Variants in RPS6KC1 observed in about 807,000 individuals in gnomAD.
RPS6KC1 encodes inactive ribosomal protein S6 kinase delta-1.
Under a neutral mutation model 103.8 loss-of-function variants are expected in RPS6KC1, and 54 were observed. The ratio of observed to expected loss-of-function variants is 0.52; its 90% confidence interval spans 0.42 to 0.65. The LOEUF is 0.65. Among genes scored for constraint, RPS6KC1 ranks in the 30% least tolerant of loss-of-function variants. The pLI is 0.00. For missense variants in RPS6KC1, 1,151 were observed against 1,253.8 expected (o/e 0.92, Z 1.24); for synonymous variants, 439 against 438.7 (o/e 1.00, Z -0.01).
the RPS6KC1 span, among the ~76,000 whole-genome samples, chr1:213,533,870 C>CA: frequency 6.6e-6 from 1 of 152,178 alleles, no homozygotes; most frequent in South Asian, 2.1e-4. Context: ...CCATTTGTCC[C>CA]AGGGGAAGCT....
At chr1:213,734,819 C>A in the RPS6KC1 span, among the ~76,000 whole-genome samples, 1 of 152,232 alleles carries the variant, frequency 6.6e-6, no homozygotes, top group East Asian at 1.9e-4. Context: ...TGGGCATTGG[C>A]GGCACAAGGT....
At chr1:213,320,714 G>T in the RPS6KC1 span, among the ~76,000 whole-genome samples, 1 of 152,200 alleles carries the variant, frequency 6.6e-6, no homozygotes, top group Non-Finnish European at 1.5e-5. Context: ...GCTTTAGAAT[G>T]CATTTTCCAG....
At chr1:213,664,089 C>T in the RPS6KC1 span, among the ~76,000 whole-genome samples, 4 of 151,558 alleles carry the variant, frequency 2.6e-5, no homozygotes, top group Admixed American at 2.6e-4. Flanking sequence ...CCTTCTCTGG[C>T]CTGCACCCAG....
the RPS6KC1 span, among the ~76,000 whole-genome samples, chr1:213,428,524 CTCTCTCTCTCTCTCT>C: frequency 2.3e-5 from 1 of 43,182 alleles, no homozygotes; most frequent in Non-Finnish European, 4.6e-5. Context: ...CTTCCTCTTT[CTCTCTCTCTCTCTCT>C]CTTTCTTTCT....
At chr1:213,127,980 A>G (rs950508897) in intron 5 of RPS6KC1, among the ~76,000 whole-genome samples, 1 of 152,228 alleles carries the variant, frequency 6.6e-6, no homozygotes, top group African/African-American at 2.4e-5. Flanking sequence ...CAGAAATTTC[A>G]TTCATAGGAT....
chr1:213,319,030 G>A, the RPS6KC1 span, among the ~76,000 whole-genome samples: 22 of 152,326 alleles, frequency 1.4e-4, no homozygotes, highest in African/African-American at 4.8e-4. Flanking sequence ...AGGTAGCTGG[G>A]TGCGGTGGCT....
the RPS6KC1 span, among the ~76,000 whole-genome samples, chr1:213,339,681 G>A: frequency 6.6e-6 from 1 of 152,186 alleles, no homozygotes; most frequent in Non-Finnish European, 1.5e-5. Flanking sequence ...ACAAGCAATC[G>A]TTATCGTGCC....
At chr1:213,682,386 C>T in the RPS6KC1 span, among the ~76,000 whole-genome samples, 21 of 152,334 alleles carry the variant, frequency 1.4e-4, no homozygotes, top group East Asian at 3.5e-3. Context: ...AGAATGCATA[C>T]GTGTCACGTC....
chr1:213,233,192 A>C (rs2094144382), intron 10 of RPS6KC1, among the ~76,000 whole-genome samples: 2 of 152,196 alleles, frequency 1.3e-5, no homozygotes, highest in African/African-American at 4.8e-5. Context: ...AGTACAGCAC[A>C]AGATAACTAC....
the RPS6KC1 span, among the ~76,000 whole-genome samples, chr1:213,736,510 A>G: frequency 6.6e-6 from 1 of 152,188 alleles, no homozygotes; most frequent in Non-Finnish European, 1.5e-5. Flanking sequence ...GTCTACTAAC[A>G]TAGAGTCTTC....
chr1:213,820,922 CA>C, the RPS6KC1 span: 1 of 152,266 alleles, frequency 6.6e-6, no homozygotes, highest in Non-Finnish European at 1.5e-5. Flanking sequence ...TCTCATCCCC[CA>C]AAAACACCCG....
chr1:213,641,099 G>A, the RPS6KC1 span, among the ~76,000 whole-genome samples: 1 of 145,770 alleles, frequency 6.9e-6, no homozygotes, highest in African/African-American at 2.7e-5. Flanking sequence ...TTACTTTTCA[G>A]ATTTTTTTTT....
chr1:213,337,528 G>A, the RPS6KC1 span, among the ~76,000 whole-genome samples: 2 of 152,134 alleles, frequency 1.3e-5, no homozygotes, highest in African/African-American at 4.8e-5. Flanking sequence ...CAGGAGGTAC[G>A]GGCAGCAGAT....
At chr1:213,761,793 G>A in the RPS6KC1 span, among the ~76,000 whole-genome samples, 33 of 152,340 alleles carry the variant, frequency 2.2e-4, no homozygotes, top group African/African-American at 7.7e-4. Context: ...AGTCTCTCCA[G>A]ACCCCTGGGG....
chr1:213,363,822 T>TCTC, the RPS6KC1 span, among the ~76,000 whole-genome samples: 1,144 of 90,688 alleles, frequency 0.013, 146 homozygotes, highest in African/African-American at 0.05. Context: ...TTCTTCTCTC[T>TCTC]TTTTTTTTTT....
the RPS6KC1 span, chr1:213,832,526 G>A: frequency 2.6e-5 from 4 of 152,194 alleles, no homozygotes; most frequent in African/African-American, 9.7e-5. Flanking sequence ...ACCTACCTGA[G>A]TCATGTTGTC....
the RPS6KC1 span, among the ~76,000 whole-genome samples, chr1:213,299,966 G>A: frequency 1.3e-4 from 20 of 152,072 alleles, no homozygotes; most frequent in Middle Eastern, 3.4e-3. Flanking sequence ...CACCACGCCC[G>A]GCTAATTTTT....
At chr1:213,328,232 G>C in the RPS6KC1 span, among the ~76,000 whole-genome samples, 1 of 151,866 alleles carries the variant, frequency 6.6e-6, no homozygotes, top group Non-Finnish European at 1.5e-5. Context: ...ACCTAATGCT[G>C]CCTAAGGTCC....
chr1:213,520,515 C>G, the RPS6KC1 span, among the ~76,000 whole-genome samples: 4 of 152,062 alleles, frequency 2.6e-5, no homozygotes, highest in Admixed American at 2.6e-4. Context: ...ACTCAGTGAC[C>G]CTTGGAGGGA....
Sources: gnomAD v4.1 joint callset for allele counts (sites outside exome capture counted in the v4.1 genomes callset) on GRCh38, gnomAD v4.1.1 for gene constraint, MANE v1.5 for transcripts, NCBI Gene and HGNC (gene_info 2026-07-23, HGNC 2026-07-21) for gene names.